The following ARK2C variants were observed in gnomAD, a reference collection of about 807,000 sequenced individuals.
ARK2C encodes the protein arkadia (RNF111) C-terminal like ring finger ubiquitin ligase 2C.
chr18:46,355,518 C>T, the ARK2C span, among the ~76,000 whole-genome samples: 1 of 152,222 alleles, frequency 6.6e-6, no homozygotes, highest in Non-Finnish European at 1.5e-5. Flanking sequence ...AGAAAAAACA[C>T]TGACTTTCTC....
the ARK2C span, among the ~76,000 whole-genome samples, chr18:46,373,863 C>T: frequency 6.6e-6 from 1 of 152,062 alleles, no homozygotes; most frequent in East Asian, 1.9e-4. Flanking sequence ...AGATCCCCCT[C>T]CCACCCCCGG....
At chr18:46,347,665 G>T in the ARK2C span, among the ~76,000 whole-genome samples, 1 of 152,142 alleles carries the variant, frequency 6.6e-6, no homozygotes, top group East Asian at 1.9e-4. Context: ...CAGAGTAGGG[G>T]CTACACTAAT....
At chr18:46,396,709 G>A in the ARK2C span, among the ~76,000 whole-genome samples, 3 of 152,132 alleles carry the variant, frequency 2.0e-5, no homozygotes, top group Non-Finnish European at 4.4e-5. Flanking sequence ...CCAAAGCTTA[G>A]GCACAATTGA....
At chr18:46,430,373 T>C in the ARK2C span, among the ~76,000 whole-genome samples, 1 of 152,228 alleles carries the variant, frequency 6.6e-6, no homozygotes, top group Non-Finnish European at 1.5e-5. Flanking sequence ...GATTTTTCTC[T>C]GGAAGGCTTC....
At chr18:46,364,489 C>T in the ARK2C span, among the ~76,000 whole-genome samples, 1 of 152,100 alleles carries the variant, frequency 6.6e-6, no homozygotes, top group Non-Finnish European at 1.5e-5. Flanking sequence ...CCCCAGAGAA[C>T]CCTTCGTGAT....
chr18:46,412,190 A>T, the ARK2C span, among the ~76,000 whole-genome samples: 1 of 152,112 alleles, frequency 6.6e-6, no homozygotes, highest in Non-Finnish European at 1.5e-5. Context: ...TCAAAATCAG[A>T]TCTCAAATTG....
the ARK2C span, among the ~76,000 whole-genome samples, chr18:46,368,089 T>G: frequency 6.6e-6 from 1 of 152,194 alleles, no homozygotes; most frequent in Admixed American, 6.5e-5. Flanking sequence ...TCCACGTGGG[T>G]AATTGTGATG....
the ARK2C span, among the ~76,000 whole-genome samples, chr18:46,349,724 A>C: frequency 6.6e-6 from 1 of 151,402 alleles, no homozygotes; most frequent in African/African-American, 2.4e-5. Flanking sequence ...TACATTTTTG[A>C]CCTTGTCCAG....
chr18:46,400,770 C>T, the ARK2C span, among the ~76,000 whole-genome samples: 3 of 152,118 alleles, frequency 2.0e-5, no homozygotes, highest in Admixed American at 2.0e-4. Flanking sequence ...TCAGTAGCCC[C>T]GTCACTGTGC....
the ARK2C span, among the ~76,000 whole-genome samples, chr18:46,360,568 C>T: frequency 7.2e-5 from 11 of 152,304 alleles, no homozygotes; most frequent in South Asian, 2.3e-3. Context: ...CCAGACTTTC[C>T]CTCTCTCTTC....
chr18:46,398,162 A>C, the ARK2C span, among the ~76,000 whole-genome samples: 6 of 135,022 alleles, frequency 4.4e-5, no homozygotes, highest in Non-Finnish European at 6.2e-5. Context: ...CAGAGGTGTG[A>C]GGGTGTGTGT....
At chr18:46,421,896 A>G in the ARK2C span, among the ~76,000 whole-genome samples, 1 of 152,198 alleles carries the variant, frequency 6.6e-6, no homozygotes, top group African/African-American at 2.4e-5. Context: ...GGGAAGCATC[A>G]CAAAGCTGCT....
chr18:46,440,343 T>G, the ARK2C span, among the ~76,000 whole-genome samples: 1 of 152,226 alleles, frequency 6.6e-6, no homozygotes, highest in African/African-American at 2.4e-5. Flanking sequence ...ATAATTGTTC[T>G]ATTTTGTTAT....
At chr18:46,405,873 C>T in the ARK2C span, among the ~76,000 whole-genome samples, 1 of 152,074 alleles carries the variant, frequency 6.6e-6, no homozygotes, top group East Asian at 1.9e-4. Flanking sequence ...GGGAAGCCAT[C>T]CCCTGTATCA....
chr18:46,359,062 A>C, the ARK2C span, among the ~76,000 whole-genome samples: 1 of 152,182 alleles, frequency 6.6e-6, no homozygotes, highest in Non-Finnish European at 1.5e-5. Flanking sequence ...CCCAGGACTC[A>C]GTTGTCCTCC....
the ARK2C span, among the ~76,000 whole-genome samples, chr18:46,454,934 A>G: frequency 6.6e-6 from 1 of 152,244 alleles, no homozygotes; most frequent in South Asian, 2.1e-4. Flanking sequence ...GTGGTACTTA[A>G]AGAAGGGTAA....
chr18:46,345,093 T>A, the ARK2C span, among the ~76,000 whole-genome samples: 45 of 152,188 alleles, frequency 3.0e-4, 1 homozygote, highest in East Asian at 8.5e-3. Context: ...GGGGCAGGGG[T>A]GCCTGGGATG....
chr18:46,429,223 G>C, the ARK2C span, among the ~76,000 whole-genome samples: 35 of 152,260 alleles, frequency 2.3e-4, no homozygotes, highest in Admixed American at 5.2e-4. Flanking sequence ...GAAATTCTTT[G>C]GATTTTCATT....
chr18:46,398,156 G>A, the ARK2C span, among the ~76,000 whole-genome samples: 1 of 148,906 alleles, frequency 6.7e-6, no homozygotes, highest in African/African-American at 2.5e-5. Flanking sequence ...GCCATGCAGA[G>A]GTGTGAGGGT....
Sources: gnomAD v4.1 joint callset for allele counts (sites outside exome capture counted in the v4.1 genomes callset) on GRCh38, gnomAD v4.1.1 for gene constraint, MANE v1.5 for transcripts, NCBI Gene and HGNC (gene_info 2026-07-23, HGNC 2026-07-21) for gene names.